WNK2: variants seen among roughly 807,000 people sequenced by gnomAD.
WNK2 encodes serine/threonine-protein kinase WNK2.
Under a neutral mutation model 192.1 loss-of-function variants are expected in WNK2, and 67 were observed. The ratio of observed to expected loss-of-function variants is 0.35; its 90% CI spans 0.29 to 0.43. WNK2 has a LOEUF of 0.43. WNK2 is among the 20% of genes least tolerant of loss of function. WNK2 has a pLI of 1.00. For missense variants in WNK2, 2,698 were observed against 3,089.7 expected (o/e 0.87, Z 3.01); for synonymous variants, 1,439 against 1,393.9 (o/e 1.03, Z -0.72).
intron 16 of WNK2, among the ~76,000 whole-genome samples, chr9:93,265,979 T>G (rs1228715327): frequency 6.6e-6 from 1 of 152,252 alleles, no homozygotes; most frequent in Non-Finnish European, 1.5e-5. Context: ...GATACTCCTC[T>G]CATTTTATTG....
In WNK2 at chr9:93,214,876, C is replaced by CATT. The variant is rs147490138; in HGVS notation, c.682-14801_682-14799dup. ...GCTTCAATTTTAGAAAATGTGGTGGCATTATTATTATTATTATTATTTTAG... is the reference window on the plus strand; with the variant it reads ...GCTTCAATTTTAGAAAATGTGGTGGCATTATTATTATTATTATTATTATTTTAG... On this transcript the variant is annotated intron_variant, in intron 2 of 29. Coordinates refer to ENST00000427277, the MANE Select transcript of WNK2 (RefSeq NM_006648.4). Among the ~76,000 whole-genome samples, 131 of 150,658 alleles carry CATT rather than the reference C, an allele frequency of 8.7e-4. No homozygotes were observed. In the East Asian group the frequency reaches 9.4e-3, roughly 11 times the overall value.
intron 2 of WNK2, among the ~76,000 whole-genome samples, chr9:93,215,723 C>A (rs1424897766): frequency 6.6e-6 from 1 of 152,100 alleles, no homozygotes; most frequent in African/African-American, 2.4e-5. Flanking sequence ...ATTTTTTGGA[C>A]CATACTAATT....
chr9:93,228,258 C>G (rs1361933993), intron 2 of WNK2, among the ~76,000 whole-genome samples: 2 of 151,894 alleles, frequency 1.3e-5, no homozygotes, highest in Non-Finnish European at 2.9e-5. Flanking sequence ...GGCGCGGCTG[C>G]ATTTGGGATG....
chr9:93,292,930 A>G lies in WNK2; in HGVS notation c.5465A>G (p.Lys1822Arg), dbSNP rs773084187. ...EGPRARPPVQ[K>R]QASLPVSGSV... The stretch of plus-strand genomic sequence containing the variant: ...CCTCGGGCGAGACCCCCGGTGCAGA[A>G]GCAGGCGTCCCTGCCCGTGAGTGGC... Residue 1822 changes from lysine (K) to arginine (R), a missense_variant, in exon 23 of 30, where the codon AAG (lysine) becomes AGG (arginine). Physicochemically the swap from Lys to Arg is conservative, Grantham distance 26. Transcript: ENST00000427277. 2 of 1,529,504 alleles carry G rather than the reference A, an allele frequency of 1.3e-6. No homozygotes were observed. Among genetic ancestry groups the G allele is most frequent in the South Asian group, 1.3e-5 (1 of 79,584 alleles). 94.7% of individuals were successfully genotyped at this position (1,529,504 alleles called of 1,614,324 possible).
At chr9:93,201,062 C>T (rs1832254119) in intron 2 of WNK2, among the ~76,000 whole-genome samples, 1 of 152,176 alleles carries the variant, frequency 6.6e-6, no homozygotes, top group Non-Finnish European at 1.5e-5. Context: ...ATGTGTGCAG[C>T]CCCTCCCCAG....
chr9:93,192,638 G>A (rs2131019856), intron 2 of WNK2, among the ~76,000 whole-genome samples: 1 of 152,316 alleles, frequency 6.6e-6, no homozygotes, highest in South Asian at 2.1e-4. Context: ...CCCAGGACAG[G>A]AGGGTGCTCC....
At position 93,239,678 on chromosome 9, in the gene WNK2, C is replaced by G. The variant is rs1334161877; in HGVS notation, c.1323-79C>G. 1.2e-5 allele frequency: 16 copies of G among 1,321,792 alleles called. No individual in the cohort carries two copies. Among genetic ancestry groups the G allele is most frequent in the Non-Finnish European group, 1.6e-5 (15 of 957,696 alleles). The allele number at this position is 1,321,792 out of a possible 1,614,324, so 81.9% of individuals were successfully genotyped here. ...TCCTGCAGGTGTGCCTGTCCTTGTC[C>G]TGGTGCGCATGGACACAGGAGCCTG... On this transcript the variant is annotated intron_variant, in intron 6 of 29. Coordinates refer to ENST00000427277, the MANE Select transcript of WNK2 (RefSeq NM_006648.4). This position sits in a 1 kb window ranked among gnomAD's most constrained non-coding sequence, Gnocchi z 4.2.
chr9:93,317,507 CTG>C lies in WNK2; in HGVS notation c.6517-9_6517-8del, dbSNP rs1348255047. On this transcript the variant is annotated splice_polypyrimidine_tract_variant and intron_variant, in intron 28 of 29. Transcript: ENST00000427277. ...CACGTGTACCTTCCTCTTCTCGTCTCTGTGTTTTGTAGATGACCGCACCTCGA... is the reference window on the plus strand; with the variant it reads ...CACGTGTACCTTCCTCTTCTCGTCTCTGTTTTGTAGATGACCGCACCTCGA... 4 of 1,613,376 alleles carry C rather than the reference CTG, an allele frequency of 2.5e-6. No individual in the cohort carries two copies. In the Admixed American group the frequency reaches 5.0e-5, roughly 20 times the overall value.
chr9:93,306,231 A>T lies in WNK2; in HGVS notation c.6215-546A>T, dbSNP rs556045116. 4.6e-5 allele frequency among the ~76,000 whole-genome samples: 7 copies of T among 152,252 alleles called. No homozygotes were observed. In the East Asian group the frequency reaches 1.4e-3, roughly 30 times the overall value. ...GAAACCCTCGAGTCCCCTACTCAAC[A>T]CTTGCCGCTGACCTCATCTGAGGCA... On this transcript the variant is annotated intron_variant, in intron 26 of 29. Coordinates refer to ENST00000427277, the MANE Select transcript of WNK2 (RefSeq NM_006648.4).
chr9:93,301,599 G>C (rs1387269200), intron 26 of WNK2, among the ~76,000 whole-genome samples: 2 of 152,094 alleles, frequency 1.3e-5, no homozygotes, highest in Non-Finnish European at 2.9e-5. Context: ...CCACCCCTGC[G>C]TCTCTGGGTC....
chr9:93,268,155 G>C, intron 18 of WNK2, 90 bp downstream of exon 18: 3 of 1,513,412 alleles, frequency 2.0e-6, no homozygotes, highest in South Asian at 1.2e-5. Flanking sequence ...CCATTGCTTG[G>C]GGGGATTATG....
At chr9:93,217,984 C>A (rs1344449118) in intron 2 of WNK2, among the ~76,000 whole-genome samples, 1 of 145,214 alleles carries the variant, frequency 6.9e-6, no homozygotes, top group Non-Finnish European at 1.5e-5. Flanking sequence ...CCAGCCCTTC[C>A]TCATTGCCCA....
intron 18 of WNK2, 69 bp from the exon 19 acceptor site, chr9:93,268,558 T>A: frequency 6.4e-7 from 1 of 1,557,540 alleles, no homozygotes. Flanking sequence ...CTGGTGCAGG[T>A]GATGGGGGTC....
chr9:93,272,568 G>A (rs932624074), intron 19 of WNK2, among the ~76,000 whole-genome samples: 11 of 151,840 alleles, frequency 7.2e-5, no homozygotes, highest in Non-Finnish European at 1.3e-4. Context: ...GAGAAACCTC[G>A]TCTCTACTAA....
At chr9:93,221,109 G>A (rs1369802473) in intron 2 of WNK2, among the ~76,000 whole-genome samples, 2 of 152,260 alleles carry the variant, frequency 1.3e-5, no homozygotes, top group Non-Finnish European at 2.9e-5. Context: ...GCGGTGGGGA[G>A]GGCGGGGCCC....
intron 10 of WNK2, 124 bp from the exon 11 acceptor site, chr9:93,256,824 G>A: frequency 1.1e-6 from 1 of 888,682 alleles, no homozygotes; most frequent in Admixed American, 2.7e-5. Flanking sequence ...GCAGGCATGT[G>A]TGAATGTGAG....
At chr9:93,268,239 A>G (rs1176102108) in intron 18 of WNK2, among the ~76,000 whole-genome samples, 174 bp downstream of exon 18, 1 of 152,192 alleles carries the variant, frequency 6.6e-6, no homozygotes, top group African/African-American at 2.4e-5. Flanking sequence ...TGCAACCGGC[A>G]TCACGGCCTT....
At chr9:93,294,521 G>A (rs1849929594) in intron 23 of WNK2, among the ~76,000 whole-genome samples, 1 of 152,186 alleles carries the variant, frequency 6.6e-6, no homozygotes, top group South Asian at 2.1e-4. Context: ...ATGTCATCCT[G>A]GGGAGCCAGT....
chr9:93,304,317 C>T (rs1274872606), intron 26 of WNK2, among the ~76,000 whole-genome samples: 1 of 152,254 alleles, frequency 6.6e-6, no homozygotes, highest in Non-Finnish European at 1.5e-5. Context: ...CTGATGTCGG[C>T]TGCACAAAAG....
Sources: allele counts gnomAD v4.1 joint callset (sites outside exome capture counted in the v4.1 genomes callset), GRCh38; gene constraint gnomAD v4.1.1; non-coding constraint Gnocchi (gnomAD v3.1); transcripts MANE v1.5; gene names NCBI Gene and HGNC (gene_info 2026-07-23, HGNC 2026-07-21).